METTL16: variants seen among roughly 807,000 people sequenced by gnomAD.
The protein encoded by METTL16 is methyltransferase 16, RNA N6-adenosine.
Under a neutral mutation model 57.9 loss-of-function variants are expected in METTL16, and 19 were observed. That is an observed-to-expected ratio of 0.33 (90% CI 0.23 to 0.48). The LOEUF (loss-of-function observed/expected upper bound fraction) is 0.48, where lower values mean the gene tolerates loss of function less well. Among genes scored for constraint, METTL16 ranks in the 20% least tolerant of loss-of-function variants. The probability of loss-of-function intolerance (pLI) is 0.99; values close to 1 mark genes in which losing one functional copy is unlikely to be tolerated. For synonymous variants in METTL16, 246 were observed against 255.6 expected, an observed-to-expected ratio of 0.96 and a Z score of 0.36; for missense variants, 434 against 691.5, an observed-to-expected ratio of 0.63 and a Z score of 4.18.
chr17:2,421,052 TC>T, intron 8 of METTL16, 148 bp from the exon 9 acceptor site: 1 of 882,734 alleles, frequency 1.1e-6, no homozygotes, highest in Non-Finnish European at 1.7e-6. Flanking sequence ...GTGTGTTATG[TC>T]CAGCACTTAA....
intron 8 of METTL16, among the ~76,000 whole-genome samples, chr17:2,426,651 C>T (rs1461623182): frequency 6.9e-6 from 1 of 144,026 alleles, no homozygotes; most frequent in African/African-American, 2.6e-5. Flanking sequence ...ATTGCTCGAA[C>T]CAGGGAGTCG....
chr17:2,420,763 T>C lies in METTL16; in HGVS notation c.1030A>G (p.Thr344Ala), dbSNP rs2066759160. 2.5e-6 allele frequency: 4 copies of C among 1,613,820 alleles called. No homozygotes were observed. The highest frequency in any genetic ancestry group is 1.7e-5 in the Admixed American group (1 of 59,968). The change falls in exon 9 of 10, where the codon ACA (threonine) becomes GCA (alanine). Residue 344 changes from threonine (T) to alanine (A), a missense_variant. By Grantham distance (58) the Thr-to-Ala change is moderately conservative (BLOSUM62 0). Around this residue, in one of 5 missense-constraint regions of METTL16, gnomAD observed 96 missense variants for 138.3 expected, o/e 0.69. Transcript: ENST00000263092. This position sits in a 1 kb window ranked among gnomAD's most constrained non-coding sequence, Gnocchi z 5.4. The part of the protein sequence containing the change: ...ETAEGIVVVT[T>A]WIEKILTDLK... ...TCAGTGAGAATTTTTTCAATCCATG[T>C]CGTGACAACGACTATGCCTTCCGCC...
intron 6 of METTL16, among the ~76,000 whole-genome samples, chr17:2,450,429 C>A (rs1189674331): frequency 6.6e-6 from 1 of 152,158 alleles, no homozygotes; most frequent in Non-Finnish European, 1.5e-5. Context: ...ATCAGGGCTA[C>A]AGGAAGCTGG....
At chr17:2,443,140 C>G (rs1163983897) in intron 6 of METTL16, among the ~76,000 whole-genome samples, 3 of 152,018 alleles carry the variant, frequency 2.0e-5, no homozygotes, top group Admixed American at 6.6e-5. Flanking sequence ...AAGCGTGCGC[C>G]ACCACACCCG....
At chr17:2,499,698 G>A (rs2067473587) in intron 2 of METTL16, among the ~76,000 whole-genome samples, 2 of 152,112 alleles carry the variant, frequency 1.3e-5, no homozygotes, top group East Asian at 3.8e-4. Flanking sequence ...GTTTTCAAAT[G>A]TACTTAATAT....
chr17:2,494,267 C>T (rs1314192393), intron 2 of METTL16, among the ~76,000 whole-genome samples: 1 of 152,144 alleles, frequency 6.6e-6, no homozygotes, highest in African/African-American at 2.4e-5. Flanking sequence ...AGTGATCCAC[C>T]CACCTTGGCC....
At chr17:2,491,128 A>C (rs891108203) in intron 2 of METTL16, among the ~76,000 whole-genome samples, 1 of 152,214 alleles carries the variant, frequency 6.6e-6, no homozygotes, top group African/African-American at 2.4e-5. Flanking sequence ...GGACATTCAA[A>C]AAACCTGAAC....
At chr17:2,504,405 T>C (rs1400701323) in intron 1 of METTL16, among the ~76,000 whole-genome samples, 5 of 152,194 alleles carry the variant, frequency 3.3e-5, no homozygotes, top group Non-Finnish European at 7.3e-5. Flanking sequence ...ATTTTAAAAA[T>C]GCAGACAACG....
intron 5 of METTL16, among the ~76,000 whole-genome samples, chr17:2,466,193 C>CAAA (rs35300433): frequency 5.8e-5 from 6 of 103,880 alleles, no homozygotes; most frequent in Admixed American, 9.8e-5. Flanking sequence ...GACTCTGTCA[C>CAAA]AAAAAAAAAA....
chr17:2,422,754 C>T (rs958693135), intron 8 of METTL16, among the ~76,000 whole-genome samples: 2 of 152,020 alleles, frequency 1.3e-5, no homozygotes, highest in Admixed American at 6.5e-5. Flanking sequence ...GAGGCCGAGG[C>T]GGCCGGATGG....
intron 6 of METTL16, among the ~76,000 whole-genome samples, chr17:2,454,554 A>ATTT (rs2067094718): frequency 7.1e-6 from 1 of 141,166 alleles, no homozygotes; most frequent in African/African-American, 2.7e-5. Flanking sequence ...AGACTATATT[A>ATTT]TTATTATTAT....
intron 6 of METTL16, among the ~76,000 whole-genome samples, chr17:2,447,521 T>G (rs1488669836): frequency 5.4e-5 from 6 of 111,490 alleles, no homozygotes; most frequent in Admixed American, 2.4e-4. Context: ...CGGCCGCCCC[T>G]ACTGGGAAGT....
chr17:2,425,483 C>T lies in METTL16; in HGVS notation c.889-4579G>A, dbSNP rs2066811076. On this transcript the variant is annotated intron_variant, in intron 8 of 9. Transcript: ENST00000263092. ...ATGTGAGAGAAGCCTGGTGAGCAGT[C>T]GTAGGTCTGCAGAGACCACAGGTTT... is the stretch of plus-strand genomic sequence containing the variant. 2.0e-5 allele frequency among the ~76,000 whole-genome samples: 3 copies of T among 152,110 alleles called. No individual in the cohort carries two copies. The South Asian group carries it at 6.2e-4, about 31-fold the overall frequency.
chr17:2,467,121 C>T (rs2067204530), intron 5 of METTL16, among the ~76,000 whole-genome samples: 1 of 152,096 alleles, frequency 6.6e-6, no homozygotes, highest in Non-Finnish European at 1.5e-5. Flanking sequence ...GCTTTCAATG[C>T]ATGGCTGGCT....
chr17:2,479,661 T>C (rs114118086), intron 2 of METTL16, among the ~76,000 whole-genome samples: 3 of 152,044 alleles, frequency 2.0e-5, no homozygotes, highest in Non-Finnish European at 4.4e-5. Flanking sequence ...TTGGAAAAAT[T>C]CAATGTCCAT....
At chr17:2,501,906 G>C (rs1567907683) in intron 2 of METTL16, among the ~76,000 whole-genome samples, 1 of 151,398 alleles carries the variant, frequency 6.6e-6, no homozygotes, top group Non-Finnish European at 1.5e-5. Flanking sequence ...CTAAGTTTTA[G>C]ATCACAAAGA....
chr17:2,500,036 T>C (rs2067475965), intron 2 of METTL16, among the ~76,000 whole-genome samples: 1 of 152,014 alleles, frequency 6.6e-6, no homozygotes, highest in African/African-American at 2.4e-5. Context: ...ACCCTTATAC[T>C]TGGGTGTGGG....
intron 6 of METTL16, among the ~76,000 whole-genome samples, chr17:2,460,777 C>T (rs1172050314): frequency 1.3e-5 from 2 of 151,176 alleles, no homozygotes; most frequent in African/African-American, 2.4e-5. Context: ...CCCAGCTACT[C>T]GGGAGGCTGA....
At chr17:2,441,002 A>G (rs2066946996) in intron 7 of METTL16, among the ~76,000 whole-genome samples, 1 of 150,498 alleles carries the variant, frequency 6.6e-6, no homozygotes. Context: ...AAAAAGAAGA[A>G]GAAGAAGAAG....
Sources: gnomAD v4.1 joint callset for allele counts (sites outside exome capture counted in the v4.1 genomes callset) on GRCh38, gnomAD v4.1.1 for gene constraint, gnomAD v4.1.1 regional missense constraint, Gnocchi (gnomAD v3.1) non-coding constraint, MANE v1.5 for transcripts, NCBI Gene and HGNC (gene_info 2026-07-23, HGNC 2026-07-21) for gene names.